Variants in FHIT observed in about 807,000 individuals in gnomAD.
The protein encoded by FHIT is bis(5'-adenosyl)-triphosphatase.
A neutral mutation model predicts 17.9 loss-of-function variants in FHIT; 19 were observed. That is an observed-to-expected ratio of 1.06 (90% CI 0.74 to 1.56). The LOEUF (loss-of-function observed/expected upper bound fraction) is 1.56, where lower values mean the gene tolerates loss of function less well. Among genes scored for constraint, FHIT ranks in the 40% most tolerant of loss-of-function variants. The pLI is 0.00. For missense variants in FHIT, 248 were observed against 189.2 expected, an observed-to-expected ratio of 1.31 and a Z score of -1.82; for synonymous variants, 81 against 69.7, an observed-to-expected ratio of 1.16 and a Z score of -0.81.
chr3:60,570,655 G>T (rs2037342840), intron 4 of FHIT, among the ~76,000 whole-genome samples: 1 of 148,924 alleles, frequency 6.7e-6, no homozygotes, highest in Non-Finnish European at 1.5e-5. Context: ...ATCACCCAGA[G>T]TCATATACTT....
chr3:60,082,354 T>C (rs1362757059), intron 5 of FHIT, among the ~76,000 whole-genome samples: 1 of 152,180 alleles, frequency 6.6e-6, no homozygotes. Flanking sequence ...GTGTACCGTA[T>C]TTCCTTTATC....
intron 8 of FHIT, among the ~76,000 whole-genome samples, chr3:59,798,016 G>C (rs1441608874): frequency 6.6e-6 from 1 of 152,134 alleles, no homozygotes; most frequent in Non-Finnish European, 1.5e-5. Flanking sequence ...GCACTGCTTA[G>C]GGTCCCAAAG....
chr3:60,273,132 TAGAC>T (rs1706951847), intron 5 of FHIT, among the ~76,000 whole-genome samples: 3 of 152,188 alleles, frequency 2.0e-5, no homozygotes, highest in Admixed American at 6.5e-5. Flanking sequence ...ATAATTTGCT[TAGAC>T]AGGAAATTTT....
At chr3:61,196,395 T>C (rs2038854776) in intron 2 of FHIT, among the ~76,000 whole-genome samples, 1 of 152,150 alleles carries the variant, frequency 6.6e-6, no homozygotes, top group Non-Finnish European at 1.5e-5. Context: ...CTGAGGCTAC[T>C]ATAAAGCTTT....
intron 1 of FHIT, among the ~76,000 whole-genome samples, chr3:61,207,007 T>C (rs1318854803): frequency 6.6e-6 from 1 of 152,188 alleles, no homozygotes; most frequent in Admixed American, 6.5e-5. Flanking sequence ...ATACCTAATT[T>C]ATTGAGAGTT....
intron 3 of FHIT, among the ~76,000 whole-genome samples, chr3:61,014,315 A>G (rs930747969): frequency 6.6e-6 from 1 of 152,124 alleles, no homozygotes; most frequent in Non-Finnish European, 1.5e-5. Context: ...TCTGGCAAGC[A>G]TCACTATTTG....
Position 59,950,881 on chromosome 3 carries a change from A to T in FHIT, c.280-28467T>A, listed in dbSNP as rs114697539. On this transcript the variant is annotated intron_variant, in intron 7 of 9. Coordinates refer to ENST00000492590, the MANE Select transcript of FHIT (RefSeq NM_002012.4). ...TACAGCCCATAAATGAGACAATTTG[A>T]CAAGAGTCACTAGTGGTGACCACAG... 5.4e-3 allele frequency among the ~76,000 whole-genome samples: 830 copies of T among 152,348 alleles called. 10 individuals are homozygous for T. Among genetic ancestry groups the T allele is most frequent in the African/African-American group, 0.019 (779 of 41,584 alleles).
chr3:59,758,848 G>T (rs1414722732), intron 8 of FHIT, among the ~76,000 whole-genome samples: 1 of 152,092 alleles, frequency 6.6e-6, no homozygotes, highest in Non-Finnish European at 1.5e-5. Context: ...CAACTGAGGT[G>T]GGAAAGGGTG....
intron 2 of FHIT, among the ~76,000 whole-genome samples, chr3:61,167,621 T>C (rs1576138752): frequency 2.3e-5 from 2 of 87,514 alleles, no homozygotes; most frequent in South Asian, 3.8e-4. Flanking sequence ...AGAGTGAAAC[T>C]GTGTCTCAAA....
chr3:59,976,302 T>C (rs565574846), intron 7 of FHIT, among the ~76,000 whole-genome samples: 1 of 152,212 alleles, frequency 6.6e-6, no homozygotes, highest in African/African-American at 2.4e-5. Flanking sequence ...ATATATGGTA[T>C]AAGCAAATCC....
At chr3:60,874,742 A>G (rs2107088550) in intron 3 of FHIT, among the ~76,000 whole-genome samples, 1 of 152,240 alleles carries the variant, frequency 6.6e-6, no homozygotes, top group African/African-American at 2.4e-5. Flanking sequence ...TCTTCTAAGG[A>G]CTAATCATGG....
intron 5 of FHIT, among the ~76,000 whole-genome samples, chr3:60,388,143 T>C (rs1701083082): frequency 6.6e-6 from 1 of 152,126 alleles, no homozygotes; most frequent in South Asian, 2.1e-4. Flanking sequence ...AATTACCTAG[T>C]CTCAGGTATT....
chr3:60,072,462 C>T (rs530835283), intron 5 of FHIT, among the ~76,000 whole-genome samples: 1 of 149,686 alleles, frequency 6.7e-6, no homozygotes, highest in African/African-American at 2.5e-5. Flanking sequence ...AACAACAAAA[C>T]ATCACCAACA....
At chr3:60,025,704 A>C (rs1206158583) in intron 5 of FHIT, among the ~76,000 whole-genome samples, 2 of 151,888 alleles carry the variant, frequency 1.3e-5, no homozygotes, top group East Asian at 3.8e-4. Context: ...TAAATCATTT[A>C]CAACAATAAA....
At chr3:59,896,869 A>C (rs1401720599) in intron 8 of FHIT, among the ~76,000 whole-genome samples, 1 of 152,170 alleles carries the variant, frequency 6.6e-6, no homozygotes, top group Non-Finnish European at 1.5e-5. Context: ...ACGCAAGTGT[A>C]ATGTTGCTTT....
chr3:61,181,357 T>A (rs1256971159), intron 2 of FHIT, among the ~76,000 whole-genome samples: 1 of 152,088 alleles, frequency 6.6e-6, no homozygotes, highest in Non-Finnish European at 1.5e-5. Flanking sequence ...GGATGAAAAA[T>A]TAACTTTGTG....
intron 5 of FHIT, among the ~76,000 whole-genome samples, chr3:60,040,904 G>C (rs893809826): frequency 6.6e-6 from 1 of 152,124 alleles, no homozygotes; most frequent in Non-Finnish European, 1.5e-5. Context: ...GGCAACTCTA[G>C]GTGGGGGTAA....
intron 5 of FHIT, among the ~76,000 whole-genome samples, chr3:60,341,436 G>C (rs1229384499): frequency 1.3e-5 from 2 of 152,162 alleles, no homozygotes; most frequent in African/African-American, 4.8e-5. Flanking sequence ...TGGAGAACCA[G>C]GCCCACGTGG....
At chr3:60,551,385 C>T (rs2036541727) in intron 4 of FHIT, among the ~76,000 whole-genome samples, 1 of 136,994 alleles carries the variant, frequency 7.3e-6, no homozygotes, top group South Asian at 2.6e-4. Flanking sequence ...ATTTGGGAGA[C>T]CAAAGCAGAA....
Sources: allele counts gnomAD v4.1 joint callset (sites outside exome capture counted in the v4.1 genomes callset), GRCh38; gene constraint gnomAD v4.1.1; transcripts MANE v1.5; gene names NCBI Gene and HGNC (gene_info 2026-07-23, HGNC 2026-07-21).